The following RHOG variants were observed in gnomAD, a reference collection of about 807,000 sequenced individuals.
RHOG encodes the protein rho-related GTP-binding protein RhoG.
Under a neutral mutation model 12.3 loss-of-function variants are expected in RHOG, and 1 was observed. The ratio of observed to expected loss-of-function variants is 0.08; its 90% confidence interval spans 0.03 to 0.39. The LOEUF (loss-of-function observed/expected upper bound fraction) is 0.39, where lower values mean the gene tolerates loss of function less well. RHOG is among the 10% of genes least tolerant of loss of function. RHOG has a pLI of 0.99. For synonymous variants in RHOG, 129 were observed against 116.0 expected (o/e 1.11, Z -0.72); for missense variants, 114 against 266.2 (o/e 0.43, Z 3.98).
At chr11:3,831,154 C>G (rs1337374342) in intron 1 of RHOG, among the ~76,000 whole-genome samples, 3 of 152,000 alleles carry the variant, frequency 2.0e-5, no homozygotes, top group Non-Finnish European at 4.4e-5. Context: ...GAACCCCTTA[C>G]CCCCCCAGCC....
chr11:3,827,629 G>T lies in RHOG; in HGVS notation c.510C>A (p.Ala170=), dbSNP rs201859992. Residue 170 remains alanine (A), a synonymous_variant, in exon 2 of 2, where the codon GCC becomes GCA. Transcript: ENST00000351018. This position sits in a 1 kb window ranked among gnomAD's most constrained non-coding sequence, Gnocchi z 7.3. ...GGTTGAGCACAGCCCGGACAGCCTC[G>T]GCGAACACTTCCTTGACACCATCCT... ...LQQDGVKEVF[A]EAVRAVLNPT... 1 of 1,613,292 alleles carries T rather than the reference G, an allele frequency of 6.2e-7. No homozygotes were observed. The highest frequency in any genetic ancestry group is 8.5e-7 in the Non-Finnish European group (1 of 1,180,036).
chr11:3,831,892 C>G (rs1000080275), intron 1 of RHOG, among the ~76,000 whole-genome samples: 12 of 152,184 alleles, frequency 7.9e-5, no homozygotes, highest in African/African-American at 2.9e-4. Flanking sequence ...GGAACTCCGG[C>G]TGGCTGTCAC....
chr11:3,829,130 C>A (rs1039057402), intron 1 of RHOG, among the ~76,000 whole-genome samples: 9 of 152,252 alleles, frequency 5.9e-5, no homozygotes, highest in African/African-American at 1.9e-4. Context: ...CTCTCCAAAC[C>A]TGGTATCTTG....
At chr11:3,828,693 G>A (rs922639871) in intron 1 of RHOG, among the ~76,000 whole-genome samples, 3 of 142,538 alleles carry the variant, frequency 2.1e-5, no homozygotes, top group Non-Finnish European at 4.5e-5. Context: ...GCGTCATCTC[G>A]GCTTACTGCA....
chr11:3,832,845 A>C (rs971752559), intron 1 of RHOG, among the ~76,000 whole-genome samples: 3 of 152,194 alleles, frequency 2.0e-5, no homozygotes, highest in Non-Finnish European at 4.4e-5. Context: ...AGTGTGACCT[A>C]TCTGGAGCGG....
intron 1 of RHOG, among the ~76,000 whole-genome samples, chr11:3,829,291 C>T (rs2090112232): frequency 2.8e-5 from 4 of 140,846 alleles, no homozygotes; most frequent in Admixed American, 2.2e-4. Context: ...CTCACTCTGT[C>T]GTCCAGGCTG....
intron 1 of RHOG, among the ~76,000 whole-genome samples, chr11:3,828,862 C>T (rs934288090): frequency 2.1e-4 from 32 of 151,964 alleles, no homozygotes; most frequent in Non-Finnish European, 4.1e-4. Context: ...CCTCGTGATC[C>T]GCCCGCCTTG....
chr11:3,836,170 T>C (rs578047267), intron 1 of RHOG, among the ~76,000 whole-genome samples: 155 of 151,368 alleles, frequency 1.0e-3, no homozygotes, highest in African/African-American at 3.4e-3. Context: ...CTGGCCAACA[T>C]GGTGAAACCC....
chr11:3,840,539 C>CT (rs60619732), intron 1 of RHOG: 1 of 149,878 alleles, frequency 6.7e-6, no homozygotes, highest in African/African-American at 2.5e-5. Context: ...TCTCAACACC[C>CT]CCCCCACCAA....
intron 1 of RHOG, among the ~76,000 whole-genome samples, chr11:3,837,150 G>C (rs1246064857): frequency 6.6e-6 from 1 of 152,042 alleles, no homozygotes; most frequent in Admixed American, 6.5e-5. Context: ...GCAAATCCTG[G>C]CACCCCCACC....
chr11:3,839,484 GAA>G (rs1565085525), intron 1 of RHOG, among the ~76,000 whole-genome samples: 2 of 97,548 alleles, frequency 2.1e-5, no homozygotes, highest in Non-Finnish European at 4.0e-5. Flanking sequence ...ACGCGCGCGC[GAA>G]CACACACACA....
chr11:3,829,803 G>C (rs1218530171), intron 1 of RHOG, among the ~76,000 whole-genome samples: 2 of 151,938 alleles, frequency 1.3e-5, no homozygotes, highest in Admixed American at 1.3e-4. Context: ...CTGGAGTGTA[G>C]TGGCGCAATC....
chr11:3,829,840 G>A (rs996300862), intron 1 of RHOG, among the ~76,000 whole-genome samples: 1 of 151,914 alleles, frequency 6.6e-6, no homozygotes, highest in Non-Finnish European at 1.5e-5. Context: ...TCCACCTCCC[G>A]GGTTCAAGCG....
Position 3,827,441 on chromosome 11 carries a change from T to G in RHOG, c.*122A>C. The G allele has an allele frequency of 1.3e-6, 1 of 779,356 alleles. No individual in the cohort carries two copies. Among genetic ancestry groups the G allele is most frequent in the South Asian group, 1.8e-5 (1 of 55,672 alleles). 48.3% of individuals were successfully genotyped at this position (779,356 alleles called of 1,614,324 possible). ...AAAAGGCACTCAGAGAAAAAGGCAT[T>G]CAGGGAACCCCCTGGAAAGGGGTGC... On this transcript the variant is annotated 3_prime_UTR_variant, in exon 2 of 2. Transcript: ENST00000351018. The surrounding 1 kb of genome is among the most constrained non-coding windows in gnomAD (Gnocchi z 7.3).
At chr11:3,830,247 C>T (rs1229986346) in intron 1 of RHOG, among the ~76,000 whole-genome samples, 1 of 152,170 alleles carries the variant, frequency 6.6e-6, no homozygotes, top group Non-Finnish European at 1.5e-5. Context: ...GTATTCTAAT[C>T]ACAGCTCCAC....
Position 3,827,680 on chromosome 11 carries a change from G to A in RHOG, c.459C>T (p.Arg153=). ...GTTGCAGGGCTGAGCATTCGAGGTA[G>A]CGCACAGCGTGGATCTGCTTGGCCA... ...QALAKQIHAV[R]YLECSALQQD... is the part of the protein sequence containing the mutation. The change falls in exon 2 of 2, where the codon CGC becomes CGT. Residue 153 remains arginine, a synonymous_variant. Transcript: ENST00000351018. This position sits in a 1 kb window ranked among gnomAD's most constrained non-coding sequence, Gnocchi z 7.3. 2 of 1,614,086 alleles carry A rather than the reference G, an allele frequency of 1.2e-6. No homozygotes were observed.
chr11:3,829,371 C>T (rs2090112738), intron 1 of RHOG, among the ~76,000 whole-genome samples: 1 of 151,638 alleles, frequency 6.6e-6, no homozygotes, highest in Non-Finnish European at 1.5e-5. Flanking sequence ...CTGCCTCAGC[C>T]TCCCGAGTGG....
chr11:3,828,809 AT>A (rs1395647950), intron 1 of RHOG, among the ~76,000 whole-genome samples: 3 of 151,278 alleles, frequency 2.0e-5, no homozygotes, highest in Admixed American at 6.6e-5. Flanking sequence ...TTTAGTAGAG[AT>A]GGGGTTTCAC....
At position 3,827,424 on chromosome 11, in the gene RHOG, C is replaced by T. The variant is rs970093595; in HGVS notation, c.*139G>A. 4.4e-6 allele frequency: 3 copies of T among 682,228 alleles called. No individual in the cohort carries two copies. Among genetic ancestry groups the T allele is most frequent in the Non-Finnish European group, 7.3e-6 (3 of 408,648 alleles). The allele number at this position is 682,228 out of a possible 1,614,324, so 42.3% of individuals were successfully genotyped here. ...AGGCCTCCTTAAGGAGAAAAAGGCACTCAGAGAAAAAGGCATTCAGGGAAC... is the reference window on the plus strand; with the variant it reads ...AGGCCTCCTTAAGGAGAAAAAGGCATTCAGAGAAAAAGGCATTCAGGGAAC... On this transcript the variant is annotated 3_prime_UTR_variant, in exon 2 of 2. Transcript: ENST00000351018. The surrounding 1 kb of genome is among the most constrained non-coding windows in gnomAD (Gnocchi z 7.3).
Sources: allele counts gnomAD v4.1 joint callset (sites outside exome capture counted in the v4.1 genomes callset), GRCh38; gene constraint gnomAD v4.1.1; non-coding constraint Gnocchi (gnomAD v3.1); transcripts MANE v1.5; gene names NCBI Gene and HGNC (gene_info 2026-07-23, HGNC 2026-07-21).